Variants in DNAH9 observed in about 807,000 individuals in gnomAD.
DNAH9 encodes the protein DNAH9 variant protein.
A neutral mutation model predicts 471.6 loss-of-function variants in DNAH9; 345 were observed. The ratio of observed to expected loss-of-function variants is 0.73; its 90% confidence interval spans 0.67 to 0.80. The LOEUF is 0.80. Ranked by LOEUF, DNAH9 falls within the 30% of genes least tolerant of loss-of-function variation. The probability of loss-of-function intolerance (pLI) is 0.00; values close to 1 mark genes in which losing one functional copy is unlikely to be tolerated. For synonymous variants in DNAH9, 2,093 were observed against 2,123.6 expected (o/e 0.99, Z 0.40); for missense variants, 5,407 against 5,609.2 (o/e 0.96, Z 1.15).
At chr17:11,810,547 T>C (rs889009008) in intron 45 of DNAH9, among the ~76,000 whole-genome samples, 178 bp downstream of exon 45, 1 of 152,216 alleles carries the variant, frequency 6.6e-6, no homozygotes, top group Admixed American at 6.5e-5. Flanking sequence ...GGGCCTGCTA[T>C]CCTGGCTCTT....
intron 45 of DNAH9, among the ~76,000 whole-genome samples, chr17:11,820,620 C>T (rs945065475): frequency 1.3e-5 from 2 of 152,032 alleles, no homozygotes; most frequent in Admixed American, 1.3e-4. Flanking sequence ...CTCTCCTTCA[C>T]CCCATCTATC....
At position 11,962,351 on chromosome 17, in the gene DNAH9, G is replaced by C; in HGVS notation, c.13233+95G>C. The stretch of plus-strand genomic sequence containing the variant: ...TGTGACTACTAAAAGAGATATTCCT[G>C]AATCTTTTTCTCTAGCTAACCTTCT... On this transcript the variant is annotated intron_variant, in intron 68 of 68. Coordinates refer to ENST00000262442, the MANE Select transcript of DNAH9 (RefSeq NM_001372.4). The surrounding 1 kb of genome is among the most constrained non-coding windows in gnomAD (Gnocchi z 4.1). 6.8e-7 allele frequency: 1 copy of C among 1,466,812 alleles called. No individual in the cohort carries two copies. Among genetic ancestry groups the C allele is most frequent in the Non-Finnish European group, 9.0e-7 (1 of 1,112,608 alleles). The allele number at this position is 1,466,812 out of a possible 1,614,324, so 90.9% of individuals were successfully genotyped here.
chr17:11,610,705 GT>G lies in DNAH9; in HGVS notation c.773+152del, dbSNP rs1227937434. On this transcript the variant is annotated intron_variant, in intron 3 of 68. Coordinates refer to ENST00000262442, the MANE Select transcript of DNAH9 (RefSeq NM_001372.4). ...GGGGTAGACAGCTCTGTGTCATTGGGTCAAGAGAGTTTTTTGATAGACTGGG... is the reference window on the plus strand; with the variant it reads ...GGGGTAGACAGCTCTGTGTCATTGGGCAAGAGAGTTTTTTGATAGACTGGG... 2.3e-4 allele frequency: 152 copies of G among 653,946 alleles called. 1 individual carries two copies. The highest frequency in any genetic ancestry group is 5.3e-5 in the Non-Finnish European group (21 of 393,596). 40.5% of individuals were successfully genotyped at this position (653,946 alleles called of 1,614,324 possible). A position where few individuals can be genotyped will look rare whatever the true frequency, so the allele number is the denominator to read the frequency against.
Position 11,894,501 on chromosome 17 carries a change from G to C in DNAH9, c.11406+5G>C, listed in dbSNP as rs1303243918. 6.2e-7 allele frequency: 1 copy of C among 1,609,522 alleles called. No homozygotes were observed. The highest frequency in any genetic ancestry group is 8.5e-7 in the Non-Finnish European group (1 of 1,176,694). On this transcript the variant is annotated splice_donor_5th_base_variant and intron_variant, in intron 59 of 68. Transcript: ENST00000262442. ...CAGGCGTGGGGAGCTGTCAAGGTCA[G>C]TATTGACCCCTAGAAAAAAGCCAAG...
chr17:11,912,319 A>G (rs9892660), intron 61 of DNAH9, among the ~76,000 whole-genome samples: 27,265 of 152,050 alleles, frequency 0.18, 2,700 homozygotes, highest in African/African-American at 0.26. Flanking sequence ...TTGCCTAATT[A>G]CCCTGGCTAG....
chr17:11,943,106 G>A (rs1324811649), intron 67 of DNAH9, among the ~76,000 whole-genome samples: 1 of 151,776 alleles, frequency 6.6e-6, no homozygotes, highest in Admixed American at 6.6e-5. Context: ...GTGTTAGCCA[G>A]GATGGTCTCC....
chr17:11,831,711 C>A (rs1268072854), intron 48 of DNAH9, among the ~76,000 whole-genome samples: 2 of 152,178 alleles, frequency 1.3e-5, no homozygotes, highest in African/African-American at 4.8e-5. Context: ...GCGGGGAAAA[C>A]ACTCCTTTTC....
At position 11,969,725 on chromosome 17, in the gene DNAH9, T is replaced by C; in HGVS notation, c.*198T>C. 1.8e-6 allele frequency: 1 copy of C among 570,706 alleles called. No homozygotes were observed. Among genetic ancestry groups the C allele is most frequent in the South Asian group, 2.1e-5 (1 of 46,946 alleles). 35.4% of individuals were successfully genotyped at this position (570,706 alleles called of 1,614,324 possible). On this transcript the variant is annotated 3_prime_UTR_variant, in exon 69 of 69. Transcript: ENST00000262442. The stretch of plus-strand genomic sequence containing the variant: ...CTGAAGGAATGTGGGCCCAGGTTTC[T>C]TAATAAAATGATTTACTCTTCAACT...
intron 23 of DNAH9, 24 bp from the exon 24 acceptor site, chr17:11,701,098 G>T: frequency 6.2e-7 from 1 of 1,613,842 alleles, no homozygotes. Context: ...GGCACCCAGT[G>T]TCTAACCTGA....
At chr17:11,685,724 C>A (rs2074230536) in intron 19 of DNAH9, among the ~76,000 whole-genome samples, 1 of 151,716 alleles carries the variant, frequency 6.6e-6, no homozygotes, top group African/African-American at 2.4e-5. Flanking sequence ...GTCGGAAGAG[C>A]TTTTATCCCA....
chr17:11,922,545 G>C (rs1402553504), intron 61 of DNAH9, among the ~76,000 whole-genome samples: 1 of 152,094 alleles, frequency 6.6e-6, no homozygotes, highest in African/African-American at 2.4e-5. Context: ...AAGCCCACTG[G>C]TCTTGCTTCA....
intron 45 of DNAH9, among the ~76,000 whole-genome samples, chr17:11,811,809 A>G (rs542002461): frequency 6.6e-6 from 1 of 151,152 alleles, no homozygotes; most frequent in South Asian, 2.1e-4. Context: ...TCCTGCTCAG[A>G]ACCAATATCT....
intron 68 of DNAH9, among the ~76,000 whole-genome samples, chr17:11,966,909 C>A (rs1427367458): frequency 6.6e-6 from 1 of 151,406 alleles, no homozygotes; most frequent in Non-Finnish European, 1.5e-5. Context: ...GTGGCACACA[C>A]CTGGAGTCCC....
chr17:11,673,238 A>G (rs2073998971), intron 17 of DNAH9, among the ~76,000 whole-genome samples: 1 of 152,046 alleles, frequency 6.6e-6, no homozygotes. Flanking sequence ...CTCTCATTTC[A>G]CTGAGAAATT....
intron 22 of DNAH9, among the ~76,000 whole-genome samples, chr17:11,699,237 A>G (rs1310370046): frequency 3.9e-5 from 6 of 152,174 alleles, no homozygotes; most frequent in Non-Finnish European, 7.4e-5. Flanking sequence ...CGACAGAGCC[A>G]GACTCCGTCT....
intron 38 of DNAH9, among the ~76,000 whole-genome samples, chr17:11,778,830 A>G (rs1293344374): frequency 6.6e-6 from 1 of 152,016 alleles, no homozygotes; most frequent in Non-Finnish European, 1.5e-5. Flanking sequence ...AACATGGAGA[A>G]ACCCCATCTC....
intron 50 of DNAH9, among the ~76,000 whole-genome samples, chr17:11,867,101 C>T (rs988382167): frequency 6.6e-6 from 1 of 152,204 alleles, no homozygotes; most frequent in Admixed American, 6.5e-5. Flanking sequence ...AGAAATCACC[C>T]GTCTTCTGCG....
chr17:11,868,984 T>G, intron 50 of DNAH9, 150 bp from the exon 51 acceptor site: 1 of 919,532 alleles, frequency 1.1e-6, no homozygotes, highest in South Asian at 1.9e-5. Flanking sequence ...TGCTTTCATT[T>G]CGTTCTCTGC....
chr17:11,732,718 C>G (rs2075288747), intron 28 of DNAH9, among the ~76,000 whole-genome samples: 1 of 152,168 alleles, frequency 6.6e-6, no homozygotes, highest in African/African-American at 2.4e-5. Context: ...ATCTTCTTTA[C>G]TATTGCAATC....
Sources: gnomAD v4.1 joint callset for allele counts (sites outside exome capture counted in the v4.1 genomes callset) on GRCh38, gnomAD v4.1.1 for gene constraint, Gnocchi (gnomAD v3.1) non-coding constraint, MANE v1.5 for transcripts, NCBI Gene and HGNC (gene_info 2026-07-23, HGNC 2026-07-21) for gene names.